Variants in KAZN observed in about 807,000 individuals in gnomAD.
KAZN encodes kazrin.
KAZN carries 40 observed loss-of-function variants against 87.4 expected under a neutral mutation model. The ratio of observed to expected loss-of-function variants is 0.46; its 90% CI spans 0.36 to 0.60. The LOEUF is 0.60. Among genes scored for constraint, KAZN ranks in the 20% least tolerant of loss-of-function variants. KAZN has a pLI of 0.00. For synonymous variants in KAZN, 466 were observed against 458.3 expected, an observed-to-expected ratio of 1.02 and a Z score of -0.22; for missense variants, 898 against 1,073.9, an observed-to-expected ratio of 0.84 and a Z score of 2.29.
At chr1:14,530,509 G>A (rs1672149150) in intron 2 of KAZN, among the ~76,000 whole-genome samples, 1 of 152,154 alleles carries the variant, frequency 6.6e-6, no homozygotes, top group Non-Finnish European at 1.5e-5. Context: ...AGGTGTTTTG[G>A]TCATGGGGGC....
intron 2 of KAZN, among the ~76,000 whole-genome samples, chr1:15,001,435 C>A (rs1288501444): frequency 1.3e-5 from 2 of 150,836 alleles, no homozygotes; most frequent in African/African-American, 4.9e-5. Context: ...CACTACACTT[C>A]AACCTGGGCG....
chr1:14,807,779 A>G (rs942733510), intron 1 of KAZN, among the ~76,000 whole-genome samples: 1 of 152,166 alleles, frequency 6.6e-6, no homozygotes, highest in African/African-American at 2.4e-5. Flanking sequence ...AATTAAAAAA[A>G]AAATCCTAAT....
chr1:14,907,181 A>AG (rs1055773020), intron 1 of KAZN, among the ~76,000 whole-genome samples: 55 of 151,948 alleles, frequency 3.6e-4, no homozygotes, highest in African/African-American at 1.3e-3. Flanking sequence ...GGATCACTTG[A>AG]GGTCAGGAGT....
intron 1 of KAZN, among the ~76,000 whole-genome samples, chr1:14,012,531 T>C (rs970598409): frequency 2.0e-5 from 3 of 152,134 alleles, no homozygotes; most frequent in African/African-American, 7.2e-5. Flanking sequence ...AAATACATAT[T>C]AGGCTGGGCA....
At chr1:14,970,141 A>C (rs758269873) in intron 2 of KAZN, among the ~76,000 whole-genome samples, 32 of 152,284 alleles carry the variant, frequency 2.1e-4, no homozygotes, top group Non-Finnish European at 3.8e-4. Flanking sequence ...AATAATTAAT[A>C]ATCATCATCA....
intron 1 of KAZN, among the ~76,000 whole-genome samples, chr1:14,151,724 AGG>A (rs1313408412): frequency 3.1e-4 from 47 of 152,342 alleles, no homozygotes; most frequent in African/African-American, 1.0e-3. Context: ...TAAATAGACA[AGG>A]TTATTGGAAG....
At chr1:14,971,675 C>CT (rs1240501761) in intron 2 of KAZN, among the ~76,000 whole-genome samples, 2 of 121,840 alleles carry the variant, frequency 1.6e-5, no homozygotes, top group Non-Finnish European at 3.4e-5. Flanking sequence ...TTTTTTTTTT[C>CT]TTTTTCTTTT....
intron 2 of KAZN, among the ~76,000 whole-genome samples, chr1:14,441,477 G>A (rs369395092): frequency 3.9e-5 from 6 of 152,134 alleles, no homozygotes; most frequent in Admixed American, 6.5e-5. Context: ...TGAGGCCAGC[G>A]ACATTTTACA....
intron 1 of KAZN, among the ~76,000 whole-genome samples, chr1:14,047,121 G>A (rs761178102): frequency 1.4e-4 from 21 of 152,068 alleles, no homozygotes; most frequent in Non-Finnish European, 8.8e-5. Context: ...TTTGGGCATC[G>A]ATCCATTTTA....
At chr1:14,154,565 T>C (rs6683667) in intron 1 of KAZN, among the ~76,000 whole-genome samples, 62,331 of 152,008 alleles carry the variant, frequency 0.41, 13,280 homozygotes, top group African/African-American at 0.53. Context: ...GCATCCTTGT[T>C]ATGCTTCAGA....
chr1:14,133,703 G>A (rs956069562), intron 1 of KAZN, among the ~76,000 whole-genome samples: 3 of 152,126 alleles, frequency 2.0e-5, no homozygotes, highest in African/African-American at 7.2e-5. Flanking sequence ...TTTGTTGATG[G>A]TGACTTGTGA....
At chr1:14,385,456 A>G (rs1367103814) in intron 2 of KAZN, among the ~76,000 whole-genome samples, 1 of 152,116 alleles carries the variant, frequency 6.6e-6, no homozygotes, top group South Asian at 2.1e-4. Flanking sequence ...ATTTAGTGCT[A>G]TAAATTTCCC....
chr1:14,679,677 T>C (rs1448151064), intron 1 of KAZN, among the ~76,000 whole-genome samples: 1 of 152,138 alleles, frequency 6.6e-6, no homozygotes, highest in Non-Finnish European at 1.5e-5. Flanking sequence ...ATCCTCACAT[T>C]TGCCCTGTGA....
intron 1 of KAZN, among the ~76,000 whole-genome samples, chr1:14,691,482 T>G (rs1340721827): frequency 6.6e-6 from 1 of 152,176 alleles, no homozygotes; most frequent in African/African-American, 2.4e-5. Flanking sequence ...GTTGTCTTCA[T>G]CTTTTTTTGT....
At chr1:14,846,941 C>A (rs138032650) in intron 1 of KAZN, among the ~76,000 whole-genome samples, 1 of 152,166 alleles carries the variant, frequency 6.6e-6, no homozygotes, top group Non-Finnish European at 1.5e-5. Flanking sequence ...CAGCCCCTGG[C>A]AGGGAGCGAG....
intron 1 of KAZN, among the ~76,000 whole-genome samples, chr1:14,029,097 A>C (rs1641210538): frequency 6.9e-6 from 1 of 143,980 alleles, no homozygotes; most frequent in Non-Finnish European, 1.5e-5. Context: ...CCAACAGTGT[A>C]AAAGTGTTCC....
At chr1:15,071,253 CT>C (rs1010481526) in intron 8 of KAZN, among the ~76,000 whole-genome samples, 2 of 150,322 alleles carry the variant, frequency 1.3e-5, no homozygotes, top group Admixed American at 1.3e-4. Flanking sequence ...TTTTATTTTT[CT>C]TTTTTTTTCT....
intron 2 of KAZN, among the ~76,000 whole-genome samples, chr1:14,472,460 G>A (rs1322829249): frequency 1.3e-5 from 2 of 152,076 alleles, no homozygotes; most frequent in South Asian, 2.1e-4. Flanking sequence ...ACATGAGGCT[G>A]GAATTAAGTG....
chr1:14,112,379 C>T (rs1232120257), intron 1 of KAZN, among the ~76,000 whole-genome samples: 4 of 145,482 alleles, frequency 2.7e-5, no homozygotes, highest in African/African-American at 7.7e-5. Context: ...AACCCACCAC[C>T]GTTACTTGGG....
Sources: gnomAD v4.1 joint callset for allele counts (sites outside exome capture counted in the v4.1 genomes callset) on GRCh38, gnomAD v4.1.1 for gene constraint, MANE v1.5 for transcripts, NCBI Gene and HGNC (gene_info 2026-07-23, HGNC 2026-07-21) for gene names.